The following PDE10A variants were observed in gnomAD, a reference collection of about 807,000 sequenced individuals.
The protein encoded by PDE10A is cAMP and cAMP-inhibited cGMP 3',5'-cyclic phosphodiesterase 10A.
PDE10A carries 39 observed loss-of-function variants against 97.7 expected under a neutral mutation model. That is an observed-to-expected ratio of 0.40 (90% CI 0.31 to 0.52). PDE10A has a LOEUF of 0.52. PDE10A is among the 20% of genes least tolerant of loss of function. The probability of loss-of-function intolerance (pLI) is 0.56; values close to 1 mark genes in which losing one functional copy is unlikely to be tolerated. For synonymous variants in PDE10A, 371 were observed against 376.8 expected (o/e 0.98, Z 0.18); for missense variants, 731 against 1,047.8 (o/e 0.70, Z 4.17).
intron 13 of PDE10A, among the ~76,000 whole-genome samples, chr6:165,405,184 C>A (rs1787034226): frequency 2.0e-5 from 3 of 152,098 alleles, no homozygotes; most frequent in Non-Finnish European, 2.9e-5. Context: ...TAGCTGTGTG[C>A]CCCAAATGCA....
intron 1 of PDE10A, among the ~76,000 whole-genome samples, chr6:165,689,588 G>A (rs927137494): frequency 7.2e-5 from 11 of 152,118 alleles, no homozygotes; most frequent in African/African-American, 2.7e-4. Context: ...GTTAAAAGGA[G>A]CCTGGCACCT....
At chr6:165,365,014 A>C (rs1218782093) in intron 18 of PDE10A, among the ~76,000 whole-genome samples, 1 of 152,098 alleles carries the variant, frequency 6.6e-6, no homozygotes, top group Non-Finnish European at 1.5e-5. Flanking sequence ...CAGAGAAACA[A>C]GAAAAAAATC....
chr6:165,369,785 C>A (rs1325280239), intron 18 of PDE10A, among the ~76,000 whole-genome samples: 3 of 147,598 alleles, frequency 2.0e-5, no homozygotes. Context: ...GTCAGATTCA[C>A]CAAAGTTGAA....
intron 1 of PDE10A, among the ~76,000 whole-genome samples, chr6:165,913,045 C>T (rs1054173179): frequency 4.6e-4 from 70 of 152,280 alleles, no homozygotes; most frequent in African/African-American, 1.6e-3. Flanking sequence ...AAGAATTCCA[C>T]ACCTGACCTC....
chr6:165,789,469 G>A (rs1265474993), intron 1 of PDE10A, among the ~76,000 whole-genome samples: 1 of 152,116 alleles, frequency 6.6e-6, no homozygotes, highest in Non-Finnish European at 1.5e-5. Context: ...AATCGTTCCT[G>A]GGGGCCTGAA....
intron 17 of PDE10A, among the ~76,000 whole-genome samples, chr6:165,383,303 C>A (rs112158257): frequency 7.2e-4 from 109 of 152,220 alleles, no homozygotes; most frequent in Middle Eastern, 6.8e-3. Flanking sequence ...AATAATCATT[C>A]ATATCTTATG....
intron 13 of PDE10A, among the ~76,000 whole-genome samples, chr6:165,408,883 G>A (rs1434097613): frequency 1.3e-5 from 2 of 151,948 alleles, no homozygotes; most frequent in Non-Finnish European, 2.9e-5. Context: ...TTAAAAAATG[G>A]GGCAGGGCGC....
chr6:165,569,285 T>G (rs530379315), intron 1 of PDE10A, among the ~76,000 whole-genome samples: 1 of 152,342 alleles, frequency 6.6e-6, no homozygotes, highest in East Asian at 1.9e-4. Flanking sequence ...TAATCTAAAT[T>G]GTCCCTAATT....
intron 18 of PDE10A, among the ~76,000 whole-genome samples, chr6:165,365,741 T>A (rs1389362129): frequency 6.6e-6 from 1 of 152,078 alleles, no homozygotes; most frequent in Non-Finnish European, 1.5e-5. Context: ...TAAATTAAAT[T>A]AAAATTTAAA....
At chr6:165,530,094 C>T (rs1383036605) in intron 2 of PDE10A, among the ~76,000 whole-genome samples, 2 of 152,012 alleles carry the variant, frequency 1.3e-5, no homozygotes, top group Non-Finnish European at 2.9e-5. Flanking sequence ...CTGGCCTAGC[C>T]TCCCAGCCTA....
At chr6:165,669,586 C>G (rs1198061388) in intron 1 of PDE10A, among the ~76,000 whole-genome samples, 2 of 152,172 alleles carry the variant, frequency 1.3e-5, no homozygotes, top group African/African-American at 4.8e-5. Flanking sequence ...TTGCAAGTCT[C>G]CTGAATTCAA....
intron 13 of PDE10A, among the ~76,000 whole-genome samples, chr6:165,397,932 T>C (rs1366256586): frequency 2.6e-5 from 4 of 152,150 alleles, no homozygotes; most frequent in African/African-American, 7.2e-5. Context: ...ACTGTGTTCA[T>C]GTATTATTTA....
chr6:165,826,826 G>A (rs1583155562), intron 1 of PDE10A, among the ~76,000 whole-genome samples: 1 of 152,118 alleles, frequency 6.6e-6, no homozygotes, highest in African/African-American at 2.4e-5. Context: ...AGAGCCAGGA[G>A]GGGTGCTGGG....
intron 1 of PDE10A, among the ~76,000 whole-genome samples, chr6:165,725,067 A>G (rs1447489994): frequency 1.3e-4 from 20 of 152,208 alleles, no homozygotes; most frequent in Admixed American, 1.3e-3. Flanking sequence ...GGGTGGTCAG[A>G]GGAGAGTCCG....
intron 1 of PDE10A, among the ~76,000 whole-genome samples, chr6:165,627,245 G>A (rs1788430670): frequency 1.3e-5 from 2 of 152,282 alleles, no homozygotes; most frequent in Non-Finnish European, 2.9e-5. Context: ...GTAACATACA[G>A]GCATAAGCCA....
At chr6:165,592,219 A>G (rs1481174222) in intron 1 of PDE10A, among the ~76,000 whole-genome samples, 2 of 151,634 alleles carry the variant, frequency 1.3e-5, no homozygotes, top group African/African-American at 4.8e-5. Flanking sequence ...AGGATTCCTT[A>G]TTTAATAAAT....
intron 1 of PDE10A, among the ~76,000 whole-genome samples, chr6:165,831,371 C>CA (rs760962725): frequency 0.49 from 22,240 of 45,018 alleles, 7,574 homozygotes; most frequent in East Asian, 0.86. Context: ...GACTCTGTCT[C>CA]AAAAAAAAAA....
chr6:165,585,938 T>C (rs1038586068), intron 1 of PDE10A, among the ~76,000 whole-genome samples: 1 of 152,110 alleles, frequency 6.6e-6, no homozygotes, highest in Non-Finnish European at 1.5e-5. Flanking sequence ...GCTTGCTATG[T>C]GGACTCTTGA....
chr6:165,437,343 C>A (rs1347581134), intron 5 of PDE10A, among the ~76,000 whole-genome samples: 1 of 151,900 alleles, frequency 6.6e-6, no homozygotes, highest in East Asian at 1.9e-4. Context: ...TTATACATTC[C>A]TACATTATTA....
Sources: allele counts gnomAD v4.1 joint callset (sites outside exome capture counted in the v4.1 genomes callset), GRCh38; gene constraint gnomAD v4.1.1; transcripts MANE v1.5; gene names NCBI Gene and HGNC (gene_info 2026-07-23, HGNC 2026-07-21).